Variants in BACH2 observed in about 807,000 individuals in gnomAD.
BACH2 encodes transcription regulator protein BACH2.
Under a neutral mutation model 61.8 loss-of-function variants are expected in BACH2, and 5 were observed. The observed-to-expected ratio is 0.08, with a 90% CI of 0.04 to 0.17. The LOEUF (loss-of-function observed/expected upper bound fraction) is 0.17. BACH2 is among the 10% of genes least tolerant of loss of function. BACH2 has a pLI of 1.00. For synonymous variants in BACH2, 446 were observed against 440.1 expected (o/e 1.01, Z -0.17); for missense variants, 824 against 1,091.1 (o/e 0.76, Z 3.45).
In BACH2 at chr6:90,295,654, GGT is replaced by G. The variant is rs138869202; in HGVS notation, c.-446+824_-446+825del. ...CTGGGGCTTGGAGACTGGAGTGTAGGGTGTGTGTGTGTGTGTGTGTGTGTGTG... is the reference window on the plus strand; with the variant it reads ...CTGGGGCTTGGAGACTGGAGTGTAGGGTGTGTGTGTGTGTGTGTGTGTGTG... On this transcript the variant is annotated intron_variant, in intron 1 of 8. Coordinates refer to ENST00000257749, the MANE Select transcript of BACH2 (RefSeq NM_021813.4). Among the ~76,000 whole-genome samples, 855 of 147,398 alleles carry G rather than the reference GGT, an allele frequency of 5.8e-3. 4 individuals are homozygous for G. Among genetic ancestry groups the G allele is most frequent in the Middle Eastern group, 0.014 (4 of 282 alleles).
At chr6:90,103,029 A>ATATATATATATATTTTTTTTT in intron 4 of BACH2, among the ~76,000 whole-genome samples, 5 of 21,160 alleles carry the variant, frequency 2.4e-4, no homozygotes, top group Admixed American at 9.0e-4. Context: ...ATATATATAT[A>ATATATATATATATTTTTTTTT]TTTTTTTTTT....
intron 5 of BACH2, among the ~76,000 whole-genome samples, chr6:90,016,069 A>T (rs1582202065): frequency 6.6e-6 from 1 of 152,170 alleles, no homozygotes; most frequent in African/African-American, 2.4e-5. Flanking sequence ...GTCTCATATT[A>T]ACATGGTCAC....
intron 4 of BACH2, among the ~76,000 whole-genome samples, chr6:90,149,950 T>C (rs1253393521): frequency 5.3e-5 from 8 of 152,164 alleles, no homozygotes; most frequent in Non-Finnish European, 1.0e-4. Flanking sequence ...CCAGATGCCA[T>C]TAAATGGGAG....
chr6:90,265,688 G>C (rs149631896), intron 2 of BACH2, among the ~76,000 whole-genome samples: 5 of 152,258 alleles, frequency 3.3e-5, no homozygotes, highest in African/African-American at 1.2e-4. Flanking sequence ...CTAACTGCAA[G>C]GTAAGGTACC....
Position 90,090,152 on chromosome 6 carries a change from CAA to C in BACH2, c.-161-1045_-161-1044del, listed in dbSNP as rs1195410338. Among the ~76,000 whole-genome samples the C allele has an allele frequency of 3.3e-5, 5 of 151,966 alleles. No individual in the cohort carries two copies. In the East Asian group the frequency reaches 7.7e-4, roughly 23 times the overall value. On this transcript the variant is annotated intron_variant, in intron 4 of 8. Coordinates refer to ENST00000257749, the MANE Select transcript of BACH2 (RefSeq NM_021813.4). Reference sequence around the variant, plus strand: ...AGTTATATGAATATGAGTATTTCCCCAAGTTATTAAAAATTATTCAAAACATG... The same window carrying C: ...AGTTATATGAATATGAGTATTTCCCCGTTATTAAAAATTATTCAAAACATG...
intron 3 of BACH2, among the ~76,000 whole-genome samples, chr6:90,239,963 T>A (rs1050226559): frequency 2.0e-5 from 3 of 152,102 alleles, no homozygotes; most frequent in Non-Finnish European, 4.4e-5. Flanking sequence ...CCACCACTAT[T>A]TTAGACTTGC....
chr6:90,090,348 G>C (rs1183403295), intron 4 of BACH2, among the ~76,000 whole-genome samples: 1 of 151,966 alleles, frequency 6.6e-6, no homozygotes, highest in Non-Finnish European at 1.5e-5. Context: ...TCTTACGCAG[G>C]TTCCCAGAAA....
chr6:90,046,619 A>AT (rs1476969436), intron 5 of BACH2, among the ~76,000 whole-genome samples: 1 of 152,126 alleles, frequency 6.6e-6, no homozygotes, highest in African/African-American at 2.4e-5. Flanking sequence ...GCAGCATCCG[A>AT]TTTTTCTGGG....
chr6:90,217,825 T>C (rs756603975), intron 3 of BACH2, among the ~76,000 whole-genome samples: 1 of 152,116 alleles, frequency 6.6e-6, no homozygotes, highest in Admixed American at 6.5e-5. Flanking sequence ...CTGTTTGCCA[T>C]GATGTGAGAG....
At position 90,265,093 on chromosome 6, in the gene BACH2, A is replaced by T. The variant is rs1015501779; in HGVS notation, c.-353+6756T>A. On this transcript the variant is annotated intron_variant, in intron 2 of 8. Coordinates refer to ENST00000257749, the MANE Select transcript of BACH2 (RefSeq NM_021813.4). ...TGTAACTCAAGGCATGCTCCATTTC[A>T]GACAAAACATGAACTCTCTCCTTTA... 2.0e-5 allele frequency among the ~76,000 whole-genome samples: 3 copies of T among 152,218 alleles called. 1 individual carries two copies. Among genetic ancestry groups the T allele is most frequent in the African/African-American group, 7.2e-5 (3 of 41,466 alleles).
At chr6:90,055,896 A>C (rs1350531493) in intron 5 of BACH2, among the ~76,000 whole-genome samples, 1 of 152,160 alleles carries the variant, frequency 6.6e-6, no homozygotes, top group Non-Finnish European at 1.5e-5. Flanking sequence ...AGGAGAAATA[A>C]AATACTTTAC....
At chr6:89,958,853 C>A (rs1199076111) in intron 6 of BACH2, among the ~76,000 whole-genome samples, 2 of 152,116 alleles carry the variant, frequency 1.3e-5, no homozygotes, top group Non-Finnish European at 2.9e-5. Context: ...CTCACTGAGA[C>A]CTTTCCTGGT....
chr6:90,108,498 C>T (rs953189829), intron 4 of BACH2, among the ~76,000 whole-genome samples: 2 of 152,176 alleles, frequency 1.3e-5, no homozygotes, highest in Non-Finnish European at 2.9e-5. Context: ...ACTTCCATGG[C>T]TTCCTACTGA....
At chr6:90,199,735 C>T (rs908402632) in intron 4 of BACH2, among the ~76,000 whole-genome samples, 5 of 152,152 alleles carry the variant, frequency 3.3e-5, no homozygotes, top group Non-Finnish European at 7.4e-5. Context: ...GCTACAGTGG[C>T]CTGGTGCCAG....
intron 4 of BACH2, among the ~76,000 whole-genome samples, chr6:90,128,078 G>A (rs529091636): frequency 6.0e-4 from 92 of 152,116 alleles, no homozygotes; most frequent in African/African-American, 2.0e-3. Flanking sequence ...GGTGCCCAAA[G>A]AGCTCTTCTG....
rs1476422067 is a variant in BACH2 at position 90,201,313 on chromosome 6, CAG to C, written c.-162+5254_-162+5255del. Among the ~76,000 whole-genome samples, 29 of 152,260 alleles carry C rather than the reference CAG, an allele frequency of 1.9e-4. 1 individual carries two copies. The highest frequency in any genetic ancestry group is 6.7e-4 in the African/African-American group (28 of 41,546). On this transcript the variant is annotated intron_variant, in intron 4 of 8. Coordinates refer to ENST00000257749, the MANE Select transcript of BACH2 (RefSeq NM_021813.4). Reference sequence around the variant, plus strand: ...GTGTTCTTTCATTAACTGTGTATGACAGAGCCTGATGTTCCCTACTCCCAACT... The same window carrying C: ...GTGTTCTTTCATTAACTGTGTATGACAGCCTGATGTTCCCTACTCCCAACT...
At chr6:90,024,095 T>C (rs1341276731) in intron 5 of BACH2, among the ~76,000 whole-genome samples, 1 of 152,116 alleles carries the variant, frequency 6.6e-6, no homozygotes, top group Non-Finnish European at 1.5e-5. Context: ...GTAAACATAT[T>C]CCCACTTTAA....
intron 5 of BACH2, among the ~76,000 whole-genome samples, chr6:90,024,290 A>G (rs1778525829): frequency 6.6e-6 from 1 of 152,136 alleles, no homozygotes; most frequent in Admixed American, 6.6e-5. Context: ...AAACACACCC[A>G]CACCTTAAAT....
chr6:90,148,382 A>G (rs1386735431), intron 4 of BACH2, among the ~76,000 whole-genome samples: 2 of 152,202 alleles, frequency 1.3e-5, no homozygotes, highest in Admixed American at 6.5e-5. Context: ...CAAACACATT[A>G]AAAATATGCA....
Sources: allele counts gnomAD v4.1 joint callset (sites outside exome capture counted in the v4.1 genomes callset), GRCh38; gene constraint gnomAD v4.1.1; transcripts MANE v1.5; gene names NCBI Gene and HGNC (gene_info 2026-07-23, HGNC 2026-07-21).